The following TFEC variants were observed in gnomAD, a reference collection of about 807,000 sequenced individuals.
TFEC encodes the protein transcription factor EC, also known as class E basic helix-loop-helix protein 34.
A neutral mutation model predicts 41.6 loss-of-function variants in TFEC; 31 were observed. The ratio of observed to expected loss-of-function variants is 0.74; its 90% CI spans 0.56 to 1.01. The LOEUF is 1.01. Ranked by LOEUF, TFEC falls within the 50% of genes least tolerant of loss-of-function variation. TFEC has a pLI of 0.00. For synonymous variants in TFEC, 143 were observed against 140.6 expected, an observed-to-expected ratio of 1.02 and a Z score of -0.12; for missense variants, 402 against 404.1, an observed-to-expected ratio of 0.99 and a Z score of 0.04.
At chr7:116,040,874 T>A (rs541544510) in intron 3 of TFEC, among the ~76,000 whole-genome samples, 1 of 152,330 alleles carries the variant, frequency 6.6e-6, no homozygotes, top group East Asian at 1.9e-4. Flanking sequence ...AGAATAACAT[T>A]AGATTATTCG....
At chr7:116,151,589 GTA>G (rs1798762194) in intron 1 of TFEC, among the ~76,000 whole-genome samples, 1 of 151,908 alleles carries the variant, frequency 6.6e-6, no homozygotes, top group Admixed American at 6.6e-5. Flanking sequence ...TCTTCTCCTT[GTA>G]GTAGGGTTTG....
At chr7:116,125,020 T>G (rs964195497) in intron 1 of TFEC, among the ~76,000 whole-genome samples, 1 of 152,196 alleles carries the variant, frequency 6.6e-6, no homozygotes, top group Non-Finnish European at 1.5e-5. Flanking sequence ...AGCCTGAATT[T>G]TCATACTTCA....
intron 1 of TFEC, among the ~76,000 whole-genome samples, chr7:116,150,923 G>T (rs541827860): frequency 1.3e-5 from 2 of 152,210 alleles, no homozygotes; most frequent in Admixed American, 6.5e-5. Context: ...ATTAATTTTT[G>T]TATGCATCCC....
At chr7:116,129,910 C>T (rs887685103) in intron 1 of TFEC, among the ~76,000 whole-genome samples, 4 of 151,940 alleles carry the variant, frequency 2.6e-5, no homozygotes, top group African/African-American at 7.3e-5. Context: ...GTGGTGGCTT[C>T]CTATCACCAT....
chr7:116,013,793 T>C (rs1455261272), intron 1 of TFEC, among the ~76,000 whole-genome samples: 2 of 152,132 alleles, frequency 1.3e-5, no homozygotes, highest in Admixed American at 6.6e-5. Context: ...CACTTTCTGG[T>C]AGAAAAATCA....
exon 1 of TFEC, chr7:116,159,864 T>C (rs1038405442): frequency 1.3e-5 from 2 of 152,128 alleles, no homozygotes; most frequent in African/African-American, 4.8e-5. Flanking sequence ...ATAAGCATTA[T>C]CTTTCTGTTT....
intron 1 of TFEC, among the ~76,000 whole-genome samples, chr7:116,003,111 T>C (rs1181764451): frequency 6.6e-6 from 1 of 152,134 alleles, no homozygotes; most frequent in Non-Finnish European, 1.5e-5. Context: ...ATGGTTTAAA[T>C]GCATCAACTA....
intron 6 of TFEC, among the ~76,000 whole-genome samples, chr7:115,950,620 A>G (rs1360172542): frequency 2.0e-5 from 3 of 152,246 alleles, no homozygotes; most frequent in Middle Eastern, 6.8e-3. Context: ...CCATACAGAA[A>G]GACTCACTAT....
chr7:116,019,117 T>C lies in TFEC; in HGVS notation c.-73+11516A>G, dbSNP rs528889281. On this transcript the variant is annotated intron_variant, in intron 1 of 7. Coordinates refer to ENST00000265440, the MANE Select transcript of TFEC (RefSeq NM_012252.4). The stretch of plus-strand genomic sequence containing the variant: ...ACTCCATCAGACCAAAGAGAATGTA[T>C]AGAGAGAGAGAGAGCAAGAGAGCTG... Among the ~76,000 whole-genome samples the C allele has an allele frequency of 6.6e-5, 10 of 151,120 alleles. No individual in the cohort carries two copies. In the South Asian group the frequency reaches 1.7e-3, roughly 25 times the overall value.
At chr7:116,087,595 G>A (rs573491562) in intron 3 of TFEC, among the ~76,000 whole-genome samples, 5 of 152,066 alleles carry the variant, frequency 3.3e-5, no homozygotes, top group African/African-American at 9.6e-5. Flanking sequence ...TACAAATTCT[G>A]TACTCAGCTA....
intron 2 of TFEC, among the ~76,000 whole-genome samples, chr7:115,977,461 T>C (rs1378594192): frequency 6.6e-6 from 1 of 152,012 alleles, no homozygotes; most frequent in East Asian, 1.9e-4. Flanking sequence ...ACTAGAAATA[T>C]TAAAGGTAAA....
intron 4 of TFEC, among the ~76,000 whole-genome samples, chr7:115,954,897 T>C (rs1010113640): frequency 1.3e-5 from 2 of 152,078 alleles, no homozygotes; most frequent in African/African-American, 4.8e-5. Context: ...ATGTGATCTA[T>C]TGCCACACTT....
intron 3 of TFEC, among the ~76,000 whole-genome samples, chr7:116,053,882 A>G (rs1015546875): frequency 3.9e-5 from 6 of 152,214 alleles, no homozygotes; most frequent in South Asian, 2.1e-4. Context: ...AAACAGACTA[A>G]TACAAATGCA....
At chr7:116,071,743 CT>C (rs1268522788) in intron 3 of TFEC, among the ~76,000 whole-genome samples, 1 of 151,450 alleles carries the variant, frequency 6.6e-6, no homozygotes, top group Non-Finnish European at 1.5e-5. Flanking sequence ...ATGCTCACAA[CT>C]TCCTGTTCTG....
At chr7:116,073,766 C>T (rs577209266) in intron 3 of TFEC, among the ~76,000 whole-genome samples, 1 of 151,814 alleles carries the variant, frequency 6.6e-6, no homozygotes, top group Admixed American at 6.6e-5. Flanking sequence ...ATAATCAGAA[C>T]AATTTGGAAC....
chr7:116,011,366 G>T (rs1385140232), intron 1 of TFEC, among the ~76,000 whole-genome samples: 1 of 151,898 alleles, frequency 6.6e-6, no homozygotes, highest in Non-Finnish European at 1.5e-5. Context: ...ACCTCATAAG[G>T]TGTCATGATA....
intron 1 of TFEC, among the ~76,000 whole-genome samples, chr7:115,990,849 G>A (rs143833308): frequency 1.1e-3 from 164 of 152,240 alleles, no homozygotes; most frequent in African/African-American, 3.9e-3. Context: ...TAGCAAGGCA[G>A]GCCAACATTC....
intron 3 of TFEC, 150 bp downstream of exon 3, chr7:115,974,020 T>C (rs561248523): frequency 3.4e-6 from 2 of 580,746 alleles, no homozygotes; most frequent in African/African-American, 3.9e-5. Context: ...AACCTTTTTT[T>C]CTGCACCAAT....
chr7:116,157,811 G>A (rs1425786917), intron 1 of TFEC, among the ~76,000 whole-genome samples: 1 of 152,062 alleles, frequency 6.6e-6, no homozygotes, highest in East Asian at 1.9e-4. Flanking sequence ...GTCACACACA[G>A]AACTTCTGTC....
Sources: gnomAD v4.1 joint callset for allele counts (sites outside exome capture counted in the v4.1 genomes callset) on GRCh38, gnomAD v4.1.1 for gene constraint, MANE v1.5 for transcripts, NCBI Gene and HGNC (gene_info 2026-07-23, HGNC 2026-07-21) for gene names.